Variants in ARHGAP11A observed in about 807,000 individuals in gnomAD.
ARHGAP11A encodes the protein rho GTPase-activating protein 11A.
A neutral mutation model predicts 60.5 loss-of-function variants in ARHGAP11A; 36 were observed. The observed-to-expected ratio is 0.59, with a 90% CI of 0.46 to 0.79. The LOEUF is 0.79. Among genes scored for constraint, ARHGAP11A ranks in the 30% least tolerant of loss-of-function variants. The pLI is 0.00. For missense variants in ARHGAP11A, 1,071 were observed against 1,199.2 expected (o/e 0.89, Z 1.58); for synonymous variants, 362 against 415.5 (o/e 0.87, Z 1.57).
intron 8 of ARHGAP11A, among the ~76,000 whole-genome samples, chr15:32,632,408 T>C (rs1048453270): frequency 7.2e-5 from 11 of 152,250 alleles, no homozygotes; most frequent in African/African-American, 2.4e-4. Context: ...AATTAGTTTT[T>C]GTTTACTTGC....
intron 1 of ARHGAP11A, 81 bp downstream of exon 1, chr15:32,616,421 T>C: frequency 1.3e-6 from 2 of 1,586,380 alleles, no homozygotes; most frequent in Non-Finnish European, 1.7e-6. Context: ...CGTGCTAAAA[T>C]GTTCACTCTG....
intron 1 of ARHGAP11A, 28 bp from the exon 2 acceptor site, chr15:32,620,080 G>A (rs2053257930): frequency 6.4e-7 from 1 of 1,562,344 alleles, no homozygotes; most frequent in South Asian, 1.2e-5. Flanking sequence ...TAATATTTGT[G>A]TTAGAGTAAC....
chr15:32,633,160 ATAAT>A, intron 9 of ARHGAP11A, 52 bp downstream of exon 9: 1 of 1,585,136 alleles, frequency 6.3e-7, no homozygotes, highest in Non-Finnish European at 8.6e-7. Flanking sequence ...TGGTGTACAC[ATAAT>A]TAATAAAATG....
intron 8 of ARHGAP11A, among the ~76,000 whole-genome samples, chr15:32,632,072 A>G (rs952578526): frequency 6.6e-6 from 1 of 152,194 alleles, no homozygotes; most frequent in African/African-American, 2.4e-5. Flanking sequence ...TCTTTAGCTA[A>G]ATGCACCCAA....
chr15:32,623,260 A>T (rs1420397428), intron 2 of ARHGAP11A, among the ~76,000 whole-genome samples: 1 of 152,176 alleles, frequency 6.6e-6, no homozygotes, highest in African/African-American at 2.4e-5. Context: ...AGGATTGAGA[A>T]AGATAAAATT....
intron 4 of ARHGAP11A, among the ~76,000 whole-genome samples, 172 bp downstream of exon 4, chr15:32,624,598 A>T (rs1295558679): frequency 6.6e-6 from 1 of 152,244 alleles, no homozygotes; most frequent in African/African-American, 2.4e-5. Flanking sequence ...CAAATGATTT[A>T]ATATTTCCTT....
At chr15:32,633,357 G>A (rs1311047629) in intron 9 of ARHGAP11A, among the ~76,000 whole-genome samples, 4 of 152,060 alleles carry the variant, frequency 2.6e-5, no homozygotes, top group African/African-American at 7.2e-5. Flanking sequence ...TTTCCTGTTA[G>A]AGGCTGGGCA....
chr15:32,626,976 A>G (rs2140458531), intron 6 of ARHGAP11A, among the ~76,000 whole-genome samples: 1 of 152,272 alleles, frequency 6.6e-6, no homozygotes, highest in East Asian at 1.9e-4. Flanking sequence ...TTAGGACTTA[A>G]ACATAGGTTT....
At position 32,638,974 on chromosome 15, in the gene ARHGAP11A, A is replaced by G. The variant is rs34438782; in HGVS notation, c.*1129A>G. The G allele has an allele frequency of 7.2e-5, 11 of 152,756 alleles. No individual in the cohort carries two copies. The East Asian group carries it at 1.2e-3, about 16-fold the overall frequency. 9.5% of individuals were successfully genotyped at this position (152,756 alleles called of 1,614,324 possible). On this transcript the variant is annotated 3_prime_UTR_variant, in exon 12 of 12. Coordinates refer to ENST00000361627, the MANE Select transcript of ARHGAP11A (RefSeq NM_014783.6). Reference sequence around the variant, plus strand: ...ACCTTTTTTACTTGGATAAAAACCTATGATGATTTTGTCCTGTGTGTAAAT... The same window carrying G: ...ACCTTTTTTACTTGGATAAAAACCTGTGATGATTTTGTCCTGTGTGTAAAT...
In ARHGAP11A at chr15:32,633,933, A is replaced by C. The variant is rs776638233; in HGVS notation, c.1236A>C (p.Arg412Ser). The change falls in exon 10 of 12, where the codon AGA becomes AGC. Residue 412 changes from arginine (R) to serine (S), a missense_variant and splice_region_variant. Coordinates refer to ENST00000361627, the MANE Select transcript of ARHGAP11A (RefSeq NM_014783.6). ...SKRIAGKKVC[R>S]VESGKAGCFS... ...ACATTTTTAATTCCACTTCTTCTAG[A>C]GTGGAATCAGGAAAAGCAGGCTGCT... 2 of 1,585,590 alleles carry C rather than the reference A, an allele frequency of 1.3e-6. No homozygotes were observed. The highest frequency in any genetic ancestry group is 1.8e-5 in the Admixed American group (1 of 54,838).
At position 32,625,169 on chromosome 15, in the gene ARHGAP11A, C is replaced by T. The variant is rs1421893803; in HGVS notation, c.641C>T (p.Ser214Phe). The T allele has an allele frequency of 6.2e-7, 1 of 1,613,794 alleles. No homozygotes were observed. Among genetic ancestry groups the T allele is most frequent in the Non-Finnish European group, 8.5e-7 (1 of 1,179,838 alleles). Residue 214 changes from serine (S) to phenylalanine (F), a missense_variant, in exon 5 of 12, where the codon TCT (serine) becomes TTT (phenylalanine). By Grantham distance (155) the Ser-to-Phe change is radical. Around this residue, in one of 4 missense-constraint regions of ARHGAP11A, gnomAD observed 196 missense variants for 272.1 expected, o/e 0.72. Coordinates refer to ENST00000361627, the MANE Select transcript of ARHGAP11A (RefSeq NM_014783.6). ...LQTSEGHEKM[S>F]SNTEKKLRLQ... ...ACAAGTGAAGGACATGAAAAGATGT[C>T]TTCTAACACAGAAAAGAAGCTACGA... is the stretch of plus-strand genomic sequence containing the variant.
chr15:32,636,109 T>C (rs1346804863), intron 11 of ARHGAP11A, 148 bp from the exon 12 acceptor site: 3 of 1,394,548 alleles, frequency 2.2e-6, no homozygotes, highest in Non-Finnish European at 1.9e-6. Context: ...TATGAAAATG[T>C]TTGACATTCT....
rs1179306637 is a variant in ARHGAP11A, at chr15:32,616,019, G to A, written c.-193G>A. 8.4e-6 allele frequency: 6 copies of A among 715,736 alleles called. No individual in the cohort carries two copies. The Admixed American group carries it at 1.5e-4, about 18-fold the overall frequency. The allele number at this position is 715,736 out of a possible 1,614,324, so 44.3% of individuals were successfully genotyped here. A position where few individuals can be genotyped will look rare whatever the true frequency, so the allele number is the denominator to read the frequency against. Reference sequence around the variant, plus strand: ...AAAGGGCTAAGAGAAGCGGGTCTGTGTAAGTGGATGTGAGTGAGGATCAAG... The same window carrying A: ...AAAGGGCTAAGAGAAGCGGGTCTGTATAAGTGGATGTGAGTGAGGATCAAG... On this transcript the variant is annotated 5_prime_UTR_variant, in exon 1 of 12. Coordinates refer to ENST00000361627, the MANE Select transcript of ARHGAP11A (RefSeq NM_014783.6).
chr15:32,622,429 GAAAA>G (rs56163024), intron 2 of ARHGAP11A, among the ~76,000 whole-genome samples: 1 of 142,204 alleles, frequency 7.0e-6, no homozygotes, highest in Non-Finnish European at 1.5e-5. Flanking sequence ...AAAACTAAAA[GAAAA>G]AAAAAAGCAG....
chr15:32,629,561 G>C (rs555200278), intron 7 of ARHGAP11A, 34 bp from the exon 8 acceptor site: 1 of 1,570,614 alleles, frequency 6.4e-7, no homozygotes, highest in African/African-American at 1.4e-5. Flanking sequence ...CTCTGCAGTA[G>C]AAACAAGTTG....
intron 6 of ARHGAP11A, among the ~76,000 whole-genome samples, chr15:32,627,427 T>C (rs1384221662): frequency 2.6e-5 from 4 of 152,024 alleles, no homozygotes; most frequent in Non-Finnish European, 2.9e-5. Context: ...TTTATTGCAT[T>C]GTTACTGTAA....
rs1205473406 is a variant in ARHGAP11A, at chr15:32,638,548, A to G, written c.*703A>G. 6 of 152,276 alleles carry G rather than the reference A, an allele frequency of 3.9e-5. No homozygotes were observed. Among genetic ancestry groups the G allele is most frequent in the African/African-American group, 1.4e-4 (6 of 41,454 alleles). 9.4% of individuals were successfully genotyped at this position (152,276 alleles called of 1,614,324 possible). A position where few individuals can be genotyped will look rare whatever the true frequency, so the allele number is the denominator to read the frequency against. ...ATAAAGGGTAGAGATAAACTCTGCA[A>G]ATCTTATGTCTGGAATTATATTAAT... On this transcript the variant is annotated 3_prime_UTR_variant, in exon 12 of 12. Coordinates refer to ENST00000361627, the MANE Select transcript of ARHGAP11A (RefSeq NM_014783.6).
chr15:32,625,705 C>T lies in ARHGAP11A; in HGVS notation c.862+72C>T, dbSNP rs544336690. 7.3e-6 allele frequency: 11 copies of T among 1,508,336 alleles called. No homozygotes were observed. In the Admixed American group the frequency reaches 1.4e-4, roughly 19 times the overall value. 93.4% of individuals were successfully genotyped at this position (1,508,336 alleles called of 1,614,324 possible). A position where few individuals can be genotyped will look rare whatever the true frequency, so the allele number is the denominator to read the frequency against. On this transcript the variant is annotated intron_variant, in intron 6 of 11. Coordinates refer to ENST00000361627, the MANE Select transcript of ARHGAP11A (RefSeq NM_014783.6). The stretch of plus-strand genomic sequence containing the variant: ...CGAAAGTACATTTCACATAAAGAAG[C>T]ATGAACTGTGGTATGTGCCTTTTTG...
chr15:32,628,455 C>T (rs1183968142), intron 6 of ARHGAP11A, among the ~76,000 whole-genome samples: 1 of 152,158 alleles, frequency 6.6e-6, no homozygotes, highest in East Asian at 1.9e-4. Context: ...ATTTCTTTTT[C>T]CCTACCCTTA....
Sources: gnomAD v4.1 joint callset for allele counts (sites outside exome capture counted in the v4.1 genomes callset) on GRCh38, gnomAD v4.1.1 for gene constraint, gnomAD v4.1.1 regional missense constraint, MANE v1.5 for transcripts, NCBI Gene and HGNC (gene_info 2026-07-23, HGNC 2026-07-21) for gene names.